The following TNIK variants were observed in gnomAD, a reference collection of about 807,000 sequenced individuals.
TNIK encodes the protein TRAF2 and NCK-interacting protein kinase.
TNIK carries 49 observed loss-of-function variants against 191.3 expected under a neutral mutation model. The observed-to-expected ratio is 0.26, with a 90% CI of 0.20 to 0.32. TNIK has a LOEUF of 0.32. TNIK is among the 10% of genes least tolerant of loss of function. TNIK has a pLI of 1.00. For missense variants in TNIK, 1,155 were observed against 1,702.3 expected, an observed-to-expected ratio of 0.68 and a Z score of 5.66; for synonymous variants, 594 against 600.9, an observed-to-expected ratio of 0.99 and a Z score of 0.17.
At chr3:171,064,135 A>C in intron 32 of TNIK, 171 bp from the exon 33 acceptor site, 1 of 568,534 alleles carries the variant, frequency 1.8e-6, no homozygotes, top group East Asian at 3.1e-5. Context: ...CTATGTAAAA[A>C]CTCCTGCCTT....
At chr3:171,064,914 A>G (rs983645210) in intron 32 of TNIK, among the ~76,000 whole-genome samples, 3 of 152,206 alleles carry the variant, frequency 2.0e-5, no homozygotes, top group Admixed American at 2.0e-4. Flanking sequence ...CATTCACCTA[A>G]TGCTGCATAT....
intron 12 of TNIK, among the ~76,000 whole-genome samples, chr3:171,141,081 G>A (rs1350587799): frequency 1.3e-5 from 2 of 152,238 alleles, no homozygotes; most frequent in East Asian, 3.9e-4. Flanking sequence ...ATTATTAAGT[G>A]TCAATTTCAA....
rs1724986889 is a variant in TNIK, at chr3:171,106,887, G to A, written c.2406+296C>T. The A allele has an allele frequency of 1.9e-4, 93 of 492,698 alleles. 4 individuals carry two copies. Among genetic ancestry groups the A allele is most frequent in the South Asian group, 1.8e-3 (93 of 51,042 alleles). 30.5% of individuals were successfully genotyped at this position (492,698 alleles called of 1,614,324 possible). A position where few individuals can be genotyped will look rare whatever the true frequency, so the allele number is the denominator to read the frequency against. ...GGCTGGCAAGTACAGGTTTGCTATT[G>A]GAAGATACTGGAAGGAGAAACTGCC... On this transcript the variant is annotated intron_variant, in intron 21 of 32. Transcript: ENST00000436636.
intron 7 of TNIK, among the ~76,000 whole-genome samples, chr3:171,187,444 CAA>C (rs1418886716): frequency 1.3e-5 from 2 of 152,060 alleles, no homozygotes; most frequent in African/African-American, 4.8e-5. Context: ...TTGCAATTCC[CAA>C]AAGAGGCAAA....
chr3:171,377,450 G>C (rs535397266), intron 1 of TNIK, among the ~76,000 whole-genome samples: 8 of 152,314 alleles, frequency 5.3e-5, no homozygotes, highest in African/African-American at 1.9e-4. Flanking sequence ...TTTAGAACTG[G>C]ATTTGAAACA....
chr3:171,063,000 C>G lies in TNIK; in HGVS notation c.*881G>C, dbSNP rs1165306685. On this transcript the variant is annotated 3_prime_UTR_variant, in exon 33 of 33. Transcript: ENST00000436636. The stretch of plus-strand genomic sequence containing the variant: ...TCCCAGAAGCTCTTTCTGTCTGACC[C>G]CATCTGTCATCCCATCTTTTTCCCT... 6.6e-6 allele frequency: 1 copy of G among 152,148 alleles called. No homozygotes were observed. The highest frequency in any genetic ancestry group is 2.4e-5 in the African/African-American group (1 of 41,422). 9.4% of individuals were successfully genotyped at this position (152,148 alleles called of 1,614,324 possible). A position where few individuals can be genotyped will look rare whatever the true frequency, so the allele number is the denominator to read the frequency against.
intron 4 of TNIK, among the ~76,000 whole-genome samples, chr3:171,195,117 C>T (rs1222859076): frequency 6.6e-6 from 1 of 152,134 alleles, no homozygotes; most frequent in African/African-American, 2.4e-5. Context: ...TTTTAATTAA[C>T]TTCAGCGAAT....
chr3:171,085,269 A>G, intron 24 of TNIK, 40 bp from the exon 25 acceptor site: 1 of 1,531,526 alleles, frequency 6.5e-7, no homozygotes, highest in Non-Finnish European at 8.9e-7. Context: ...GCAGATAAAT[A>G]CTGCAGGAAT....
intron 12 of TNIK, among the ~76,000 whole-genome samples, chr3:171,145,459 G>T (rs1385198631): frequency 2.0e-5 from 3 of 152,098 alleles, no homozygotes. Context: ...TGGATCTGGG[G>T]ATCTATTGGG....
At chr3:171,231,832 C>T (rs1743690536) in intron 2 of TNIK, among the ~76,000 whole-genome samples, 1 of 152,100 alleles carries the variant, frequency 6.6e-6, no homozygotes, top group South Asian at 2.1e-4. Flanking sequence ...TAACCCAATC[C>T]TCTCCTTTTA....
At chr3:171,311,311 T>C (rs1753990305) in intron 2 of TNIK, among the ~76,000 whole-genome samples, 1 of 152,196 alleles carries the variant, frequency 6.6e-6, no homozygotes, top group Admixed American at 6.6e-5. Flanking sequence ...ACAATTATTA[T>C]TCACTCACTT....
intron 12 of TNIK, among the ~76,000 whole-genome samples, chr3:171,157,143 CAGGGAAAT>C (rs1007159017): frequency 8.5e-5 from 13 of 152,070 alleles, no homozygotes; most frequent in African/African-American, 3.1e-4. Flanking sequence ...TAAGGCAGGG[CAGGGAAAT>C]AGGACATGCT....
At chr3:171,087,723 T>G (rs970681170) in intron 23 of TNIK, among the ~76,000 whole-genome samples, 9 of 152,218 alleles carry the variant, frequency 5.9e-5, no homozygotes, top group African/African-American at 2.2e-4. Flanking sequence ...CTTACGTTCC[T>G]GCATGAGGTA....
At chr3:171,351,897 G>A (rs186321453) in intron 2 of TNIK, among the ~76,000 whole-genome samples, 2 of 152,272 alleles carry the variant, frequency 1.3e-5, no homozygotes, top group Admixed American at 6.5e-5. Flanking sequence ...TGCATTTCAG[G>A]CACCCTGCCC....
At chr3:171,136,564 C>A (rs1730003707) in intron 15 of TNIK, among the ~76,000 whole-genome samples, 1 of 152,170 alleles carries the variant, frequency 6.6e-6, no homozygotes, top group South Asian at 2.1e-4. Flanking sequence ...ATCTTTCTCC[C>A]ATGGGTGATG....
chr3:171,403,629 A>AAAAAG (rs1560028303), intron 1 of TNIK, among the ~76,000 whole-genome samples: 17 of 150,074 alleles, frequency 1.1e-4, no homozygotes, highest in African/African-American at 3.0e-4. Flanking sequence ...AAAAAAAAAA[A>AAAAAG]AAAAGAAAAG....
chr3:171,178,802 A>C (rs1018741685), intron 7 of TNIK, among the ~76,000 whole-genome samples: 1 of 152,222 alleles, frequency 6.6e-6, no homozygotes, highest in African/African-American at 2.4e-5. Flanking sequence ...CTCAGATTAG[A>C]GTGATCAAAG....
Position 171,206,335 on chromosome 3 carries a change from GTATATATA to G in TNIK, c.306+4773_306+4780del, listed in dbSNP as rs60356829. ...AATATATGGAGATATATATGTTCGT[GTATATATA>G]TATATATATATGGAAGAATGAATGA... On this transcript the variant is annotated intron_variant, in intron 4 of 32. Transcript: ENST00000436636. Among the ~76,000 whole-genome samples the G allele has an allele frequency of 7.5e-5, 10 of 133,072 alleles. No individual in the cohort carries two copies. In the South Asian group the frequency reaches 1.6e-3, roughly 21 times the overall value. The allele number at this position is 133,072 out of a possible 152,430, so 87.3% of individuals were successfully genotyped here.
intron 4 of TNIK, among the ~76,000 whole-genome samples, chr3:171,200,196 C>T (rs1739232320): frequency 6.6e-6 from 1 of 152,124 alleles, no homozygotes; most frequent in Non-Finnish European, 1.5e-5. Context: ...TTTCACTCAA[C>T]ACCGCCTAAA....
Sources: allele counts gnomAD v4.1 joint callset (sites outside exome capture counted in the v4.1 genomes callset), GRCh38; gene constraint gnomAD v4.1.1; transcripts MANE v1.5; gene names NCBI Gene and HGNC (gene_info 2026-07-23, HGNC 2026-07-21).